The following RABL3 variants were observed in gnomAD, a reference collection of about 807,000 sequenced individuals.
RABL3 encodes RAB, member of RAS oncogene family like 3.
In RABL3, 31 loss-of-function variants were observed where a neutral mutation model predicts 31.8. The ratio of observed to expected loss-of-function variants is 0.97; its 90% CI spans 0.73 to 1.31. RABL3 has a LOEUF of 1.31. Among genes scored for constraint, RABL3 ranks in the 40% most tolerant of loss-of-function variants. RABL3 has a pLI of 0.00. For missense variants in RABL3, 263 were observed against 279.6 expected, an observed-to-expected ratio of 0.94 and a Z score of 0.42; for synonymous variants, 97 against 99.9, an observed-to-expected ratio of 0.97 and a Z score of 0.18.
chr3:120,706,988 G>A (rs1708556686), intron 3 of RABL3, among the ~76,000 whole-genome samples: 1 of 152,124 alleles, frequency 6.6e-6, no homozygotes. Context: ...AAACTTTGAT[G>A]CCCACTAGAA....
rs770549511 is a variant in RABL3, at chr3:120,742,462, C to G, written c.46G>C (p.Gly16Arg). The G allele has an allele frequency of 6.2e-7, 1 of 1,614,150 alleles. No individual in the cohort carries two copies. Among genetic ancestry groups the G allele is most frequent in the Non-Finnish European group, 8.5e-7 (1 of 1,179,992 alleles). ...RVKVLVLGDSGVGKSSLVHLL... is the reference protein window; with the variant it reads ...RVKVLVLGDSRVGKSSLVHLL... ...CCCAGAGGTAGGGTAAGCCGCTCACCTGAGTCTCCCAACACCAGTACCTTC... is the reference window on the plus strand; with the variant it reads ...CCCAGAGGTAGGGTAAGCCGCTCACGTGAGTCTCCCAACACCAGTACCTTC... The change falls in exon 1 of 8, where the codon GGT becomes CGT. Residue 16 changes from glycine to arginine, a missense_variant and splice_region_variant. Coordinates refer to ENST00000273375, the MANE Select transcript of RABL3 (RefSeq NM_173825.5).
At chr3:120,739,024 T>C (rs1454097259) in intron 1 of RABL3, among the ~76,000 whole-genome samples, 2 of 152,166 alleles carry the variant, frequency 1.3e-5, no homozygotes, top group African/African-American at 4.8e-5. Context: ...GCAGGTCTTG[T>C]TGCACCTCAA....
chr3:120,721,018 G>C (rs1289416392), intron 2 of RABL3, among the ~76,000 whole-genome samples: 2 of 152,186 alleles, frequency 1.3e-5, no homozygotes, highest in African/African-American at 4.8e-5. Flanking sequence ...AGAACAGAGT[G>C]GGGGCCAATA....
rs914969254 is a variant in RABL3, at chr3:120,727,019, A to C, written c.138+3677T>G. 1.3e-4 allele frequency among the ~76,000 whole-genome samples: 20 copies of C among 152,122 alleles called. 1 individual carries two copies. Among genetic ancestry groups the C allele is most frequent in the Non-Finnish European group, 5.9e-5 (4 of 68,012 alleles). Reference sequence around the variant, plus strand: ...AATAATAATGAAAAAAATTTTAGGAATGCAGTTAACGCTGTGCTTAGATAG... The same window carrying C: ...AATAATAATGAAAAAAATTTTAGGACTGCAGTTAACGCTGTGCTTAGATAG... On this transcript the variant is annotated intron_variant, in intron 2 of 7. Coordinates refer to ENST00000273375, the MANE Select transcript of RABL3 (RefSeq NM_173825.5).
chr3:120,722,142 T>C (rs1054002507), intron 2 of RABL3: 8 of 152,290 alleles, frequency 5.3e-5, no homozygotes, highest in Non-Finnish European at 1.0e-4. Context: ...TTATCATCTG[T>C]AGGCTCATTC....
intron 2 of RABL3, among the ~76,000 whole-genome samples, chr3:120,727,935 T>A (rs928093256): frequency 1.3e-5 from 2 of 152,168 alleles, no homozygotes; most frequent in African/African-American, 2.4e-5. Flanking sequence ...ATTTCTTTAA[T>A]CTAATCAAAT....
At position 120,705,073 on chromosome 3, in the gene RABL3, AT is replaced by A. The variant is rs571672859; in HGVS notation, c.383+926del. On this transcript the variant is annotated intron_variant, in intron 4 of 7. Transcript: ENST00000273375. The stretch of plus-strand genomic sequence containing the variant: ...AAAACAATTTACAATAGCTTAAAAA[AT>A]ATTAAATATTTTGGTATAAATCTAA... Among the ~76,000 whole-genome samples, 268 of 152,340 alleles carry A rather than the reference AT, an allele frequency of 1.8e-3. 2 individuals are homozygous for A. The highest frequency in any genetic ancestry group is 6.1e-3 in the African/African-American group (255 of 41,574).
chr3:120,719,561 C>T (rs920027010), intron 2 of RABL3, among the ~76,000 whole-genome samples: 8 of 152,262 alleles, frequency 5.3e-5, no homozygotes, highest in Non-Finnish European at 4.4e-5. Context: ...TATCTCGCTC[C>T]TGGCTCGAAG....
rs201223100 is a variant in RABL3 at position 120,686,497 on chromosome 3, T to C, written c.*3326A>G. ...ATGTCAGAATGAACAGAAAAACAAG[T>C]GTCAGGGCACCTGGATTATATCATG... On this transcript the variant is annotated 3_prime_UTR_variant, in exon 8 of 8. Transcript: ENST00000273375. 6.6e-6 allele frequency among the ~76,000 whole-genome samples: 1 copy of C among 152,140 alleles called. No homozygotes were observed. The highest frequency in any genetic ancestry group is 1.9e-4 in the East Asian group (1 of 5,186).
At chr3:120,736,512 G>C (rs1708967830) in intron 1 of RABL3, among the ~76,000 whole-genome samples, 1 of 152,082 alleles carries the variant, frequency 6.6e-6, no homozygotes, top group Admixed American at 6.5e-5. Context: ...TCTTTTAATT[G>C]GAGCATTTAG....
chr3:120,690,186 C>T (rs917105558), intron 7 of RABL3, among the ~76,000 whole-genome samples: 3 of 152,078 alleles, frequency 2.0e-5, no homozygotes, highest in Non-Finnish European at 4.4e-5. Flanking sequence ...AGACCCTGAA[C>T]GTATACTCTT....
rs1442594756 is a variant in RABL3, at chr3:120,685,900, A to G, written c.*3923T>C. Among the ~76,000 whole-genome samples, 20 of 152,214 alleles carry G rather than the reference A, an allele frequency of 1.3e-4. No individual in the cohort carries two copies. Among genetic ancestry groups the G allele is most frequent in the Non-Finnish European group, 1.5e-5 (1 of 68,042 alleles). ...GGGAGAGTAAGGGAAGAGAGAGGAAATCGTGGAATCTGCATTTTCAGCAAG... is the reference window on the plus strand; with the variant it reads ...GGGAGAGTAAGGGAAGAGAGAGGAAGTCGTGGAATCTGCATTTTCAGCAAG... On this transcript the variant is annotated 3_prime_UTR_variant, in exon 8 of 8. Transcript: ENST00000273375.
chr3:120,711,032 A>G (rs1261998831), intron 2 of RABL3, among the ~76,000 whole-genome samples: 1 of 152,000 alleles, frequency 6.6e-6, no homozygotes, highest in Non-Finnish European at 1.5e-5. Flanking sequence ...TTACTCCACC[A>G]TTTGATCCAC....
chr3:120,714,159 T>TAC (rs1708642522), intron 2 of RABL3, among the ~76,000 whole-genome samples: 1 of 152,202 alleles, frequency 6.6e-6, no homozygotes, highest in Non-Finnish European at 1.5e-5. Flanking sequence ...AAAAAAATGA[T>TAC]ACACATCAAG....
intron 5 of RABL3, among the ~76,000 whole-genome samples, chr3:120,694,961 G>GA (rs372064498): frequency 1.1e-4 from 14 of 133,050 alleles, no homozygotes; most frequent in Middle Eastern, 3.4e-3. Context: ...CAGTCTAGCT[G>GA]TTTTTTTTTT....
intron 2 of RABL3, chr3:120,710,614 C>T (rs1334290919): frequency 2.6e-5 from 4 of 152,126 alleles, no homozygotes; most frequent in Non-Finnish European, 5.9e-5. Context: ...AGGCTAAATC[C>T]TCCTTCTGTG....
In RABL3 at chr3:120,698,457, A is replaced by G; in HGVS notation, c.500T>C (p.Leu167Pro). Residue 167 changes from leucine to proline, a missense_variant, in exon 5 of 8, where the codon CTG becomes CCG. Coordinates refer to ENST00000273375, the MANE Select transcript of RABL3 (RefSeq NM_173825.5). ...TTCTTCTGGATTGAAATCCTCAGCC[A>G]GGAAAGCAGTCCTAGTTAAAACTTC... ...RHEVLTRTAF[L>P]AEDFNPEEIN... is the part of the protein sequence containing the mutation. 1 of 1,614,008 alleles carries G rather than the reference A, an allele frequency of 6.2e-7. No individual in the cohort carries two copies. Among genetic ancestry groups the G allele is most frequent in the Non-Finnish European group, 8.5e-7 (1 of 1,179,952 alleles).
intron 2 of RABL3, among the ~76,000 whole-genome samples, chr3:120,713,059 A>AC (rs1708629974): frequency 1.3e-5 from 2 of 151,974 alleles, no homozygotes; most frequent in Admixed American, 6.6e-5. Flanking sequence ...TATTTCAAGT[A>AC]CCTAATGTTG....
intron 2 of RABL3, among the ~76,000 whole-genome samples, chr3:120,724,408 C>G (rs1019813137): frequency 7.2e-5 from 11 of 152,184 alleles, no homozygotes; most frequent in Non-Finnish European, 1.6e-4. Context: ...CCATCCCCAT[C>G]AAGCTACCAA....
Sources: allele counts gnomAD v4.1 joint callset (sites outside exome capture counted in the v4.1 genomes callset), GRCh38; gene constraint gnomAD v4.1.1; transcripts MANE v1.5; gene names NCBI Gene and HGNC (gene_info 2026-07-23, HGNC 2026-07-21).